KAT2B: variants seen among roughly 807,000 people sequenced by gnomAD.
KAT2B encodes the protein lysine acetyltransferase 2B.
Under a neutral mutation model 105.9 loss-of-function variants are expected in KAT2B, and 36 were observed. That is an observed-to-expected ratio of 0.34 (90% CI 0.26 to 0.45). The LOEUF is 0.45. Among genes scored for constraint, KAT2B ranks in the 20% least tolerant of loss-of-function variants. The pLI, the probability that KAT2B is intolerant of heterozygous loss-of-function variation, is 1.00. For synonymous variants in KAT2B, 397 were observed against 377.9 expected (o/e 1.05, Z -0.59); for missense variants, 820 against 1,021.6 (o/e 0.80, Z 2.69).
At chr3:20,047,780 AT>A (rs981151599) in intron 1 of KAT2B, among the ~76,000 whole-genome samples, 1 of 151,212 alleles carries the variant, frequency 6.6e-6, no homozygotes, top group East Asian at 1.9e-4. Context: ...GCCCTGTTAA[AT>A]TTTTTTGTAT....
chr3:20,100,917 G>A (rs553614462), intron 4 of KAT2B: 2 of 204,146 alleles, frequency 9.8e-6, no homozygotes, highest in African/African-American at 2.3e-5. Context: ...TCTAAGAACT[G>A]CATTATATGT....
chr3:20,147,874 A>G (rs1575161834), intron 14 of KAT2B, 89 bp from the exon 15 acceptor site: 2 of 1,244,356 alleles, frequency 1.6e-6, no homozygotes, highest in Non-Finnish European at 2.3e-6. Flanking sequence ...TGTCATGCCT[A>G]TAATTTCTTG....
intron 2 of KAT2B, among the ~76,000 whole-genome samples, chr3:20,092,916 G>T (rs1234726249): frequency 6.6e-6 from 1 of 151,800 alleles, no homozygotes; most frequent in East Asian, 2.0e-4. Flanking sequence ...TGGACAGGCT[G>T]GTCTCGAACT....
chr3:20,137,159 A>G (rs1699616759), intron 12 of KAT2B, 107 bp downstream of exon 12: 1 of 641,358 alleles, frequency 1.6e-6, no homozygotes, highest in African/African-American at 1.8e-5. Context: ...TACTTATAAG[A>G]ACAGGCATTT....
rs562103579 is a variant in KAT2B, at chr3:20,096,029, A to C, written c.576+621A>C. The stretch of plus-strand genomic sequence containing the variant: ...CTCCGAGGCAGAGGGAGGAACGGGT[A>C]TTTTAGGCCGTGCACTAAGAGAGCT... On this transcript the variant is annotated intron_variant, in intron 3 of 17. Transcript: ENST00000263754. Among the ~76,000 whole-genome samples the C allele has an allele frequency of 1.3e-5, 2 of 152,214 alleles. 1 individual carries two copies. The highest frequency in any genetic ancestry group is 4.2e-4 in the South Asian group (2 of 4,818).
At chr3:20,044,644 C>G (rs12492466) in intron 1 of KAT2B, among the ~76,000 whole-genome samples, 24,198 of 151,954 alleles carry the variant, frequency 0.16, 2,075 homozygotes, top group Non-Finnish European at 0.19. Flanking sequence ...ACTGGAAGCT[C>G]TTCTTTCCAC....
chr3:20,115,015 G>A, intron 7 of KAT2B, 27 bp downstream of exon 7: 20 of 1,450,736 alleles, frequency 1.4e-5, no homozygotes, highest in Non-Finnish European at 1.9e-5. Context: ...ATGAATCAGA[G>A]AACAACCAGG....
At chr3:20,078,305 T>C (rs1488423029) in intron 2 of KAT2B, among the ~76,000 whole-genome samples, 1 of 152,236 alleles carries the variant, frequency 6.6e-6, no homozygotes, top group African/African-American at 2.4e-5. Flanking sequence ...TCCATTGTTC[T>C]GAACTGTTTC....
intron 2 of KAT2B, among the ~76,000 whole-genome samples, chr3:20,083,209 A>G (rs1698550801): frequency 1.3e-5 from 2 of 151,986 alleles, no homozygotes; most frequent in Admixed American, 6.6e-5. Flanking sequence ...GTTGACTGCT[A>G]TAGATTTGTG....
chr3:20,046,539 T>C (rs1406067900), intron 1 of KAT2B, among the ~76,000 whole-genome samples: 3 of 152,160 alleles, frequency 2.0e-5, no homozygotes, highest in Admixed American at 6.5e-5. Flanking sequence ...GCTGAGATCA[T>C]GCCACTGCAC....
rs749210077 is a variant in KAT2B, at chr3:20,127,430, A to G, written c.1630A>G (p.Lys544Glu). The change falls in exon 11 of 18, where the codon AAA becomes GAA. Residue 544 changes from lysine to glutamate, a missense_variant. Transcript: ENST00000263754. ...ITRLVFDPKHKTLALIKDGRV... is the reference protein window; with the variant it reads ...ITRLVFDPKHETLALIKDGRV... The stretch of plus-strand genomic sequence containing the variant: ...ATAATCTTATTCTTTCAGGAAACAC[A>G]AAACCCTTGCTTTAATTAAAGATGG... 5.0e-6 allele frequency: 8 copies of G among 1,612,700 alleles called. No individual in the cohort carries two copies. The South Asian group carries it at 8.8e-5, about 18-fold the overall frequency.
At chr3:20,130,738 C>T (rs1699494624) in intron 11 of KAT2B, among the ~76,000 whole-genome samples, 4 of 152,096 alleles carry the variant, frequency 2.6e-5, no homozygotes, top group Admixed American at 1.3e-4. Context: ...GCATCACAAA[C>T]TCAGAAGGAA....
intron 1 of KAT2B, among the ~76,000 whole-genome samples, chr3:20,071,023 C>A (rs1299623626): frequency 4.3e-4 from 63 of 147,634 alleles, no homozygotes; most frequent in African/African-American, 1.5e-3. Flanking sequence ...AAAAAAAAAA[C>A]CAAAAAGTTT....
At chr3:20,076,754 A>G (rs1159555622) in intron 2 of KAT2B, among the ~76,000 whole-genome samples, 1 of 152,176 alleles carries the variant, frequency 6.6e-6, no homozygotes, top group Non-Finnish European at 1.5e-5. Flanking sequence ...TGTTACCGAC[A>G]AAGTACAAGT....
chr3:20,139,783 A>G (rs1353959204), intron 12 of KAT2B, among the ~76,000 whole-genome samples: 2 of 144,502 alleles, frequency 1.4e-5, no homozygotes, highest in African/African-American at 5.5e-5. Flanking sequence ...CAGAAACATT[A>G]AGTTTCTAAT....
At chr3:20,087,740 A>G (rs977696402) in intron 2 of KAT2B, among the ~76,000 whole-genome samples, 4 of 152,132 alleles carry the variant, frequency 2.6e-5, no homozygotes, top group African/African-American at 9.7e-5. Context: ...CTACATACAA[A>G]TAAGATCATG....
At position 20,040,739 on chromosome 3, in the gene KAT2B, G is replaced by C. The variant is rs539433112; in HGVS notation, c.262G>C (p.Ala88Pro). 2 of 1,595,280 alleles carry C rather than the reference G, an allele frequency of 1.3e-6. No homozygotes were observed. Among genetic ancestry groups the C allele is most frequent in the Admixed American group, 3.4e-5 (2 of 59,322 alleles). ...KKAQLRSAPR[A>P]KKLEKLGVYS... ...AGCGCAACTACGCTCCGCTCCGCGGGCCAAGAAACTGGAGAAACTCGGAGT... is the reference window on the plus strand; with the variant it reads ...AGCGCAACTACGCTCCGCTCCGCGGCCCAAGAAACTGGAGAAACTCGGAGT... Residue 88 changes from alanine to proline, a missense_variant, in exon 1 of 18, where the codon GCC (alanine) becomes CCC (proline). Around this residue, in one of 6 missense-constraint regions of KAT2B, gnomAD observed 190 missense variants for 176.7 expected, o/e 1.08. Transcript: ENST00000263754.
intron 2 of KAT2B, among the ~76,000 whole-genome samples, chr3:20,087,075 T>A (rs547716326): frequency 1.3e-5 from 2 of 152,328 alleles, no homozygotes; most frequent in South Asian, 4.1e-4. Context: ...CCACTGCGCC[T>A]GGCTGAGATT....
chr3:20,061,180 C>G (rs1196470377), intron 1 of KAT2B, among the ~76,000 whole-genome samples: 1 of 152,188 alleles, frequency 6.6e-6, no homozygotes, highest in African/African-American at 2.4e-5. Context: ...CCATTCCTAT[C>G]TCTATGAATT....
Sources: gnomAD v4.1 joint callset for allele counts (sites outside exome capture counted in the v4.1 genomes callset) on GRCh38, gnomAD v4.1.1 for gene constraint, gnomAD v4.1.1 regional missense constraint, MANE v1.5 for transcripts, NCBI Gene and HGNC (gene_info 2026-07-23, HGNC 2026-07-21) for gene names.